WWOX: variants seen among roughly 807,000 people sequenced by gnomAD.
WWOX encodes WW domain-containing oxidoreductase.
A neutral mutation model predicts 46.2 loss-of-function variants in WWOX; 69 were observed. That is an observed-to-expected ratio of 1.49 (90% confidence interval 1.23 to 1.82). WWOX has a LOEUF of 1.82. WWOX is among the 40% of genes most tolerant of loss of function. The pLI is 0.00. For missense variants in WWOX, 919 were observed against 542.6 expected, an observed-to-expected ratio of 1.69 and a Z score of -6.89; for synonymous variants, 359 against 202.6, an observed-to-expected ratio of 1.77 and a Z score of -6.56.
intron 6 of WWOX, among the ~76,000 whole-genome samples, chr16:78,422,756 T>C (rs1235777935): frequency 1.3e-4 from 13 of 103,970 alleles, no homozygotes; most frequent in African/African-American, 7.3e-4. Flanking sequence ...TACACATATA[T>C]ACACATATAT....
chr16:78,556,255 C>T lies in WWOX; in HGVS notation c.1056+123503C>T, dbSNP rs1202949248. 4.7e-5 allele frequency among the ~76,000 whole-genome samples: 7 copies of T among 149,414 alleles called. No homozygotes were observed. In the East Asian group the frequency reaches 1.4e-3, roughly 29 times the overall value. ...GGAAATAAACAGGGTACTTTCCCTC[C>T]TCCTCTAAAAAAAAAAAAAAAGAAA... On this transcript the variant is annotated intron_variant, in intron 8 of 8. Coordinates refer to ENST00000566780, the MANE Select transcript of WWOX (RefSeq NM_016373.4).
At position 78,577,960 on chromosome 16, in the gene WWOX, C is replaced by G. The variant is rs527405742; in HGVS notation, c.1056+145208C>G. Among the ~76,000 whole-genome samples, 559 of 152,156 alleles carry G rather than the reference C, an allele frequency of 3.7e-3. 2 individuals are homozygous for G. The highest frequency in any genetic ancestry group is 0.01 in the Middle Eastern group (3 of 294). On this transcript the variant is annotated intron_variant, in intron 8 of 8. Transcript: ENST00000566780. ...CCACAGTTTTTCCAGATAACCAAGACTCACTAATATTTTCACAAGAACATT... is the reference window on the plus strand; with the variant it reads ...CCACAGTTTTTCCAGATAACCAAGAGTCACTAATATTTTCACAAGAACATT...
intron 8 of WWOX, among the ~76,000 whole-genome samples, chr16:78,915,714 C>G (rs189014720): frequency 2.6e-5 from 4 of 151,676 alleles, no homozygotes; most frequent in African/African-American, 9.7e-5. Context: ...AAAAATTGCA[C>G]CAGTTCTCAT....
At position 78,893,275 on chromosome 16, in the gene WWOX, C is replaced by T. The variant is rs1283387635; in HGVS notation, c.1057-318333C>T. On this transcript the variant is annotated intron_variant, in intron 8 of 8. Coordinates refer to ENST00000566780, the MANE Select transcript of WWOX (RefSeq NM_016373.4). ...GACATTCTTCTTTTTTATCTGCCAA[C>T]CTCCCAGTGCCACAGTAAGCACAGA... is the stretch of plus-strand genomic sequence containing the variant. Among the ~76,000 whole-genome samples, 3 of 152,078 alleles carry T rather than the reference C, an allele frequency of 2.0e-5. 1 individual carries two copies. In the South Asian group the frequency reaches 6.2e-4, roughly 32 times the overall value.
intron 5 of WWOX, among the ~76,000 whole-genome samples, chr16:78,332,098 A>G (rs1730271880): frequency 6.6e-6 from 1 of 152,130 alleles, no homozygotes; most frequent in African/African-American, 2.4e-5. Context: ...GGGCCATGAA[A>G]GACAACTTAG....
chr16:78,636,034 T>C (rs965929696), intron 8 of WWOX, among the ~76,000 whole-genome samples: 2 of 152,212 alleles, frequency 1.3e-5, no homozygotes, highest in Admixed American at 6.5e-5. Context: ...ACGGTCCTTA[T>C]GCTCGCTGCG....
At chr16:78,869,298 A>G (rs980933229) in intron 8 of WWOX, among the ~76,000 whole-genome samples, 1 of 152,206 alleles carries the variant, frequency 6.6e-6, no homozygotes, top group African/African-American at 2.4e-5. Context: ...GATCAAGGAA[A>G]GTCCGAGAGT....
At chr16:78,417,040 G>GGT (rs143606762) in intron 6 of WWOX, among the ~76,000 whole-genome samples, 1 of 151,264 alleles carries the variant, frequency 6.6e-6, no homozygotes, top group Non-Finnish European at 1.5e-5. Flanking sequence ...ACCCTTTGGG[G>GGT]GTGTGTGTGT....
intron 8 of WWOX, among the ~76,000 whole-genome samples, chr16:78,699,374 C>CA (rs57002311): frequency 0.049 from 6,290 of 127,124 alleles, 451 homozygotes; most frequent in African/African-American, 0.15. Flanking sequence ...ACAAAAAATA[C>CA]AAAAAAAAAA....
At chr16:78,684,059 T>C (rs943576103) in intron 8 of WWOX, among the ~76,000 whole-genome samples, 1 of 152,202 alleles carries the variant, frequency 6.6e-6, no homozygotes, top group Admixed American at 6.5e-5. Flanking sequence ...CTCACAGTTT[T>C]GGCTCGCACA....
intron 5 of WWOX, among the ~76,000 whole-genome samples, chr16:78,179,069 G>C (rs1218122040): frequency 6.6e-6 from 1 of 152,140 alleles, no homozygotes; most frequent in Non-Finnish European, 1.5e-5. Context: ...GTCACCATTT[G>C]TGGCATCCTC....
chr16:78,814,137 C>T (rs931247287), intron 8 of WWOX, among the ~76,000 whole-genome samples: 3 of 152,196 alleles, frequency 2.0e-5, no homozygotes, highest in African/African-American at 4.8e-5. Context: ...AGACAGAACC[C>T]GGCCAGATCC....
At chr16:78,503,901 A>G (rs980259099) in intron 8 of WWOX, 3 of 152,252 alleles carry the variant, frequency 2.0e-5, no homozygotes, top group Non-Finnish European at 4.4e-5. Flanking sequence ...AATATATAAT[A>G]TGCATGCGAC....
intron 6 of WWOX, among the ~76,000 whole-genome samples, chr16:78,393,475 G>C (rs563683079): frequency 6.6e-6 from 1 of 151,398 alleles, no homozygotes; most frequent in African/African-American, 2.4e-5. Context: ...CCTGGGCAAC[G>C]TAGTGAGACG....
intron 8 of WWOX, among the ~76,000 whole-genome samples, chr16:79,029,286 A>T (rs984249019): frequency 1.3e-5 from 2 of 152,172 alleles, no homozygotes; most frequent in African/African-American, 2.4e-5. Flanking sequence ...GATGTTTCTT[A>T]CATCCTCAGC....
In WWOX at chr16:78,301,273, A is replaced by G. The variant is rs141158860; in HGVS notation, c.517-85587A>G. ...CTTTTTGTTTTCAATCAGGCTGTAAAGTTCACACATTACATTTGGTATTGT... is the reference window on the plus strand; with the variant it reads ...CTTTTTGTTTTCAATCAGGCTGTAAGGTTCACACATTACATTTGGTATTGT... On this transcript the variant is annotated intron_variant, in intron 5 of 8. Transcript: ENST00000566780. Among the ~76,000 whole-genome samples, 233 of 152,338 alleles carry G rather than the reference A, an allele frequency of 1.5e-3. 1 individual carries two copies. Among genetic ancestry groups the G allele is most frequent in the African/African-American group, 5.4e-3 (224 of 41,582 alleles).
chr16:78,621,995 A>G (rs1380759870), intron 8 of WWOX, among the ~76,000 whole-genome samples: 1 of 152,124 alleles, frequency 6.6e-6, no homozygotes, highest in African/African-American at 2.4e-5. Context: ...CTGGATGTCC[A>G]ATGTCATTCT....
At chr16:78,997,823 G>A (rs766218148) in intron 8 of WWOX, among the ~76,000 whole-genome samples, 1 of 152,192 alleles carries the variant, frequency 6.6e-6, no homozygotes, top group East Asian at 1.9e-4. Flanking sequence ...CAGATTTCAC[G>A]CTGCCTTCCC....
intron 8 of WWOX, among the ~76,000 whole-genome samples, chr16:78,459,331 C>T (rs1201592628): frequency 6.6e-6 from 1 of 152,134 alleles, no homozygotes; most frequent in African/African-American, 2.4e-5. Flanking sequence ...ACATGGTATC[C>T]CCAGCATTTT....
Sources: allele counts gnomAD v4.1 joint callset (sites outside exome capture counted in the v4.1 genomes callset), GRCh38; gene constraint gnomAD v4.1.1; transcripts MANE v1.5; gene names NCBI Gene and HGNC (gene_info 2026-07-23, HGNC 2026-07-21).